Variants in SON observed in about 807,000 individuals in gnomAD.
SON encodes SON DNA and RNA binding protein.
Under a neutral mutation model 173.3 loss-of-function variants are expected in SON, and 4 were observed. The observed-to-expected ratio is 0.02, with a 90% CI of 0.01 to 0.05. The LOEUF (loss-of-function observed/expected upper bound fraction) is 0.05, where lower values mean the gene tolerates loss of function less well. SON is among the 10% of genes least tolerant of loss of function. The pLI, the probability that SON is intolerant of heterozygous loss-of-function variation, is 1.00. For missense variants in SON, 2,626 were observed against 3,055.3 expected (o/e 0.86, Z 3.31); for synonymous variants, 1,190 against 1,105.9 (o/e 1.08, Z -1.51).
chr21:33,576,764 G>A lies in SON; in HGVS notation c.*340G>A. The A allele has an allele frequency of 2.5e-6, 1 of 393,402 alleles. No individual in the cohort carries two copies. Among genetic ancestry groups the A allele is most frequent in the Non-Finnish European group, 4.8e-6 (1 of 206,366 alleles). The allele number at this position is 393,402 out of a possible 1,614,324, so 24.4% of individuals were successfully genotyped here. On this transcript the variant is annotated 3_prime_UTR_variant, in exon 12 of 12. Coordinates refer to ENST00000356577, the MANE Select transcript of SON (RefSeq NM_138927.4). ...TACAGGGTTTTGGTATGTTTATATT[G>A]TTTACCTTAGTGATGTATTTGTTTA...
intron 3 of SON, 114 bp downstream of exon 3, chr21:33,555,505 TGTCTTTAAGTTTTTATTATTACATG>T (rs2085949699): frequency 1.0e-6 from 1 of 999,888 alleles, no homozygotes; most frequent in Non-Finnish European, 1.4e-6. Flanking sequence ...TAAATGTTTC[TGTCTTTAAGTTTTTATTATTACATG>T]GTACTGTATT....
At chr21:33,560,651 A>G (rs2086055071) in intron 6 of SON, 1 of 943,260 alleles carries the variant, frequency 1.1e-6, no homozygotes, top group African/African-American at 1.8e-5. Flanking sequence ...TTTAATAAAC[A>G]GTTTACTTTT....
intron 2 of SON, among the ~76,000 whole-genome samples, chr21:33,548,318 T>G (rs1007066759): frequency 3.3e-5 from 5 of 151,730 alleles, no homozygotes; most frequent in African/African-American, 1.2e-4. Flanking sequence ...GGTATGTAAA[T>G]TCAAACTTTC....
intron 1 of SON, among the ~76,000 whole-genome samples, chr21:33,544,975 A>G (rs1269042819): frequency 6.6e-6 from 1 of 152,228 alleles, no homozygotes; most frequent in African/African-American, 2.4e-5. Flanking sequence ...CAGTCTGCAA[A>G]CAAGTTTTTG....
Position 33,551,044 on chromosome 21 carries a change from G to A in SON, c.1813G>A (p.Ala605Thr), listed in dbSNP as rs756701764. The A allele has an allele frequency of 5.6e-6, 9 of 1,611,808 alleles. No homozygotes were observed. In the African/African-American group the frequency reaches 9.4e-5, roughly 17 times the overall value. Residue 605 changes from alanine to threonine, a missense_variant, in exon 3 of 12, where the codon GCA (alanine) becomes ACA (threonine). Transcript: ENST00000356577. ...ELPGPLMAAG[A>T]LEFSGQSGAA... ...GCCTGGGCCGCTCATGGCAGCTGGG[G>A]CACTGGAGTTCTCGGGGCAGTCTGG...
chr21:33,577,053 A>G lies in SON; in HGVS notation c.*629A>G, dbSNP rs1350069473. Reference sequence around the variant, plus strand: ...GGGCTAATGCCACCATCTCCCCTCAAAATTTTGTAGAGGTTCTAAAAAGAA... The same window carrying G: ...GGGCTAATGCCACCATCTCCCCTCAGAATTTTGTAGAGGTTCTAAAAAGAA... On this transcript the variant is annotated 3_prime_UTR_variant, in exon 12 of 12. Coordinates refer to ENST00000356577, the MANE Select transcript of SON (RefSeq NM_138927.4). 1 of 159,552 alleles carries G rather than the reference A, an allele frequency of 6.3e-6. No individual in the cohort carries two copies. 9.9% of individuals were successfully genotyped at this position (159,552 alleles called of 1,614,324 possible).
chr21:33,553,641 A>G lies in SON; in HGVS notation c.4410A>G (p.Thr1470=). ...CAACTGAGGTGGCTATAGAGTCCACACCAATGATACTGGAATCTAGTATCA... is the reference window on the plus strand; with the variant it reads ...CAACTGAGGTGGCTATAGAGTCCACGCCAATGATACTGGAATCTAGTATCA... The part of the protein sequence containing the change: ...VIPTEVAIES[T]PMILESSIMS... The change falls in exon 3 of 12, where the codon ACA becomes ACG. Residue 1470 remains threonine (T), a synonymous_variant. Transcript: ENST00000356577. 1 of 1,613,790 alleles carries G rather than the reference A, an allele frequency of 6.2e-7. No individual in the cohort carries two copies.
rs2085794021 is a variant in SON at position 33,551,692 on chromosome 21, A to G, written c.2461A>G (p.Met821Val). Residue 821 changes from methionine (M) to valine (V), a missense_variant, in exon 3 of 12, where the codon ATG (methionine) becomes GTG (valine). By Grantham distance (21) the Met-to-Val change is conservative. Transcript: ENST00000356577. ...CTCCCAGATGTTAGCAACCAGCTCCATGGACTCCCAGATGTTAGCAACCAG... is the reference window on the plus strand; with the variant it reads ...CTCCCAGATGTTAGCAACCAGCTCCGTGGACTCCCAGATGTTAGCAACCAG... Reference protein sequence around the residue: ...MDSQMLATSSMDSQMLATSSM... With the variant: ...MDSQMLATSSVDSQMLATSSM... The G allele has an allele frequency of 1.9e-6, 3 of 1,612,330 alleles. No homozygotes were observed. Among genetic ancestry groups the G allele is most frequent in the Non-Finnish European group, 2.5e-6 (3 of 1,179,964 alleles).
Position 33,554,431 on chromosome 21 carries a change from G to C in SON, c.5200G>C (p.Val1734Leu). 1 of 1,614,220 alleles carries C rather than the reference G, an allele frequency of 6.2e-7. No individual in the cohort carries two copies. Among genetic ancestry groups the C allele is most frequent in the Non-Finnish European group, 8.5e-7 (1 of 1,180,040 alleles). The part of the protein sequence containing the change: ...NIEDINEADL[V>L]RPLLPKDMER... ...TGAGGATATTAATGAAGCAGATTTAGTGAGACCGTTACTTCCTAAGGACAT... is the reference window on the plus strand; with the variant it reads ...TGAGGATATTAATGAAGCAGATTTACTGAGACCGTTACTTCCTAAGGACAT... The change falls in exon 3 of 12, where the codon GTG (valine) becomes CTG (leucine). Residue 1734 changes from valine (V) to leucine (L), a missense_variant. Physicochemically the swap from Val to Leu is conservative, Grantham distance 32. Transcript: ENST00000356577.
intron 1 of SON, among the ~76,000 whole-genome samples, chr21:33,544,668 A>G (rs1214247538): frequency 2.6e-5 from 4 of 152,206 alleles, no homozygotes; most frequent in African/African-American, 9.7e-5. Context: ...TCATGGCTGC[A>G]TAGAATCCCA....
intron 2 of SON, among the ~76,000 whole-genome samples, chr21:33,548,698 C>G (rs145092462): frequency 1.0e-3 from 155 of 152,320 alleles, no homozygotes; most frequent in Middle Eastern, 6.8e-3. Flanking sequence ...ATTGAGGATT[C>G]AAAAGTGGCA....
Position 33,549,913 on chromosome 21 carries a change from C to A in SON, c.682C>A (p.Gln228Lys). The A allele has an allele frequency of 6.2e-7, 1 of 1,614,166 alleles. No homozygotes were observed. The highest frequency in any genetic ancestry group is 8.5e-7 in the Non-Finnish European group (1 of 1,180,008). ...ATCAGTAATCTCAGAGCAGTCAGAG[C>A]AGTCTGTGGCAGTAATGCCAGAACC... ...STSVISEQSE[Q>K]SVAVMPEPSM... is the part of the protein sequence containing the mutation. The change falls in exon 3 of 12, where the codon CAG becomes AAG. Residue 228 changes from glutamine (Q) to lysine (K), a missense_variant. Gln to Lys is a moderately conservative substitution (Grantham distance 53, BLOSUM62 1). This residue lies in a region of SON where 757 missense variants were observed against 730.1 expected (regional missense o/e 1.04). Coordinates refer to ENST00000356577, the MANE Select transcript of SON (RefSeq NM_138927.4).
At chr21:33,558,165 A>G (rs905155985) in intron 4 of SON, 2 of 152,732 alleles carry the variant, frequency 1.3e-5, no homozygotes, top group African/African-American at 4.8e-5. Context: ...TCCTATTGTA[A>G]TATTTTCAAT....
intron 6 of SON, chr21:33,560,221 T>C: frequency 6.5e-7 from 1 of 1,527,194 alleles, no homozygotes; most frequent in Non-Finnish European, 8.8e-7. Context: ...TGTAGGTTGA[T>C]GTGAGCATCT....
chr21:33,552,206 T>C lies in SON; in HGVS notation c.2975T>C (p.Met992Thr). ...RPYRLAPRPL[M>T]LASRRSMMMS... ...TATAGGTTAGCACCTAGACCCCTGA[T>C]GTTAGCATCTAGACGTTCTATGATG... The change falls in exon 3 of 12, where the codon ATG becomes ACG. Residue 992 changes from methionine (M) to threonine (T), a missense_variant. Coordinates refer to ENST00000356577, the MANE Select transcript of SON (RefSeq NM_138927.4). This position sits in a 1 kb window ranked among gnomAD's most constrained non-coding sequence, Gnocchi z 5.6. 1 of 1,614,144 alleles carries C rather than the reference T, an allele frequency of 6.2e-7. No individual in the cohort carries two copies. Among genetic ancestry groups the C allele is most frequent in the Non-Finnish European group, 8.5e-7 (1 of 1,180,012 alleles).
At chr21:33,572,736 GT>G in intron 8 of SON, 1 of 366,136 alleles carries the variant, frequency 2.7e-6, no homozygotes, top group Non-Finnish European at 4.7e-6. Flanking sequence ...TTATGTGATT[GT>G]TTTCTATTTG....
At chr21:33,572,768 GTTT>G (rs78936304) in intron 8 of SON, 11 of 231,994 alleles carry the variant, frequency 4.7e-5, no homozygotes, top group South Asian at 8.5e-5. Context: ...AATTTCAAGA[GTTT>G]TTTTTTTTTT....
At chr21:33,563,217 A>G (rs912739060) in intron 6 of SON, among the ~76,000 whole-genome samples, 2 of 152,068 alleles carry the variant, frequency 1.3e-5, no homozygotes, top group Admixed American at 1.3e-4. Context: ...TCTCTGAACC[A>G]TTTAGTAGGT....
chr21:33,550,167 A>G lies in SON; in HGVS notation c.936A>G (p.Thr312=). 2.5e-6 allele frequency: 4 copies of G among 1,614,194 alleles called. No homozygotes were observed. In the South Asian group the frequency reaches 3.3e-5, roughly 13 times the overall value. ...PSETLVVSSE[T]PTEVYPEPST... ...AAACCCTTGTGGTATCATCAGAGAC[A>G]CCTACTGAGGTGTACCCTGAGCCAA... The change falls in exon 3 of 12, where the codon ACA becomes ACG. Residue 312 remains threonine, a synonymous_variant. Coordinates refer to ENST00000356577, the MANE Select transcript of SON (RefSeq NM_138927.4).
Sources: gnomAD v4.1 joint callset for allele counts (sites outside exome capture counted in the v4.1 genomes callset) on GRCh38, gnomAD v4.1.1 for gene constraint, gnomAD v4.1.1 regional missense constraint, Gnocchi (gnomAD v3.1) non-coding constraint, MANE v1.5 for transcripts, NCBI Gene and HGNC (gene_info 2026-07-23, HGNC 2026-07-21) for gene names.